Variants in ULK4 observed in about 807,000 individuals in gnomAD.
ULK4 encodes inactive serine/threonine-protein kinase ULK4.
ULK4 carries 133 observed loss-of-function variants against 160.6 expected under a neutral mutation model. The observed-to-expected ratio is 0.83, with a 90% CI of 0.72 to 0.96. The LOEUF is 0.96. Among genes scored for constraint, ULK4 ranks in the 40% least tolerant of loss-of-function variants. ULK4 has a pLI of 0.00. For synonymous variants in ULK4, 534 were observed against 539.8 expected, an observed-to-expected ratio of 0.99 and a Z score of 0.15; for missense variants, 1,580 against 1,499.5, an observed-to-expected ratio of 1.05 and a Z score of -0.89.
chr3:41,802,942 A>T (rs1212965647), intron 19 of ULK4, among the ~76,000 whole-genome samples: 1 of 152,144 alleles, frequency 6.6e-6, no homozygotes, highest in Non-Finnish European at 1.5e-5. Context: ...CGAAGCAGGC[A>T]GATCACAAGG....
chr3:41,420,426 G>T (rs938714826), intron 34 of ULK4, among the ~76,000 whole-genome samples: 13 of 147,312 alleles, frequency 8.8e-5, no homozygotes, highest in Non-Finnish European at 1.5e-4. Flanking sequence ...CATTTTATAG[G>T]ATGATTTCAC....
At chr3:41,609,545 T>C (rs576347856) in intron 31 of ULK4, among the ~76,000 whole-genome samples, 1 of 152,256 alleles carries the variant, frequency 6.6e-6, no homozygotes, top group Admixed American at 6.5e-5. Flanking sequence ...AAAATTGTTA[T>C]ATGGCTCCAT....
intron 34 of ULK4, among the ~76,000 whole-genome samples, chr3:41,427,259 A>G (rs1235907215): frequency 6.6e-6 from 1 of 152,214 alleles, no homozygotes; most frequent in Non-Finnish European, 1.5e-5. Flanking sequence ...TCTGAAATTG[A>G]GGCAGTAATA....
chr3:41,933,858 T>C (rs1383709813), intron 4 of ULK4, among the ~76,000 whole-genome samples: 2 of 152,196 alleles, frequency 1.3e-5, no homozygotes, highest in East Asian at 3.9e-4. Context: ...GAGACCAGCC[T>C]GGCCAACACG....
intron 23 of ULK4, 98 bp from the exon 24 acceptor site, chr3:41,715,666 A>C (rs1333075115): frequency 2.7e-6 from 4 of 1,458,444 alleles, no homozygotes; most frequent in Non-Finnish European, 3.7e-6. Flanking sequence ...TTCTAAGGTA[A>C]TTAATCTCCA....
At chr3:41,768,573 A>G (rs558861395) in intron 21 of ULK4, among the ~76,000 whole-genome samples, 7 of 152,284 alleles carry the variant, frequency 4.6e-5, no homozygotes, top group South Asian at 2.1e-4. Context: ...ACCAACCTAC[A>G]GCCTCAGCTG....
chr3:41,781,538 A>C (rs1300855785), intron 21 of ULK4, among the ~76,000 whole-genome samples: 1 of 152,252 alleles, frequency 6.6e-6, no homozygotes, highest in Non-Finnish European at 1.5e-5. Flanking sequence ...TGTCTTCTAC[A>C]GATACATATA....
chr3:41,312,644 AAAACAAAC>A (rs142861881), intron 35 of ULK4, among the ~76,000 whole-genome samples: 23,258 of 151,642 alleles, frequency 0.15, 2,116 homozygotes, highest in African/African-American at 0.25. Context: ...AAAAAAAACA[AAAACAAAC>A]AAACAAACAA....
chr3:41,278,707 G>A (rs934300873), intron 35 of ULK4, among the ~76,000 whole-genome samples: 1 of 152,150 alleles, frequency 6.6e-6, no homozygotes, highest in Non-Finnish European at 1.5e-5. Context: ...CACCTGAGGG[G>A]CCTGTTAGAA....
intron 32 of ULK4, among the ~76,000 whole-genome samples, chr3:41,555,678 C>G (rs571781278): frequency 1.3e-5 from 2 of 152,234 alleles, no homozygotes; most frequent in Admixed American, 1.3e-4. Context: ...GGTAGACAAC[C>G]AAAGGAATAT....
chr3:41,263,295 G>A (rs1286928504), intron 35 of ULK4, among the ~76,000 whole-genome samples: 1 of 152,192 alleles, frequency 6.6e-6, no homozygotes, highest in Non-Finnish European at 1.5e-5. Context: ...TGACAACAGA[G>A]TCACTGATTT....
intron 32 of ULK4, among the ~76,000 whole-genome samples, chr3:41,533,903 G>A (rs2086404556): frequency 1.3e-5 from 2 of 152,202 alleles, no homozygotes; most frequent in Non-Finnish European, 2.9e-5. Flanking sequence ...CGCCTCCTGG[G>A]TTCACGCCAT....
intron 32 of ULK4, among the ~76,000 whole-genome samples, chr3:41,469,416 A>G (rs1458734740): frequency 6.6e-6 from 1 of 151,862 alleles, no homozygotes; most frequent in African/African-American, 2.4e-5. Flanking sequence ...GGCCAACTGT[A>G]TTTCCAGAGA....
At chr3:41,866,514 C>T (rs1696889327) in intron 17 of ULK4, among the ~76,000 whole-genome samples, 1 of 152,180 alleles carries the variant, frequency 6.6e-6, no homozygotes, top group African/African-American at 2.4e-5. Flanking sequence ...ATAGGGTTCA[C>T]GCTCCTATGA....
intron 35 of ULK4, among the ~76,000 whole-genome samples, chr3:41,276,611 T>G (rs76370742): frequency 6.6e-6 from 1 of 152,148 alleles, no homozygotes; most frequent in Admixed American, 6.6e-5. Context: ...TACATAAAAA[T>G]TGCATTCTGC....
chr3:41,532,516 G>A (rs1319727689), intron 32 of ULK4, among the ~76,000 whole-genome samples: 1 of 152,106 alleles, frequency 6.6e-6, no homozygotes, highest in Admixed American at 6.5e-5. Context: ...CTCCATGAAG[G>A]CAGGGATTTT....
intron 29 of ULK4, among the ~76,000 whole-genome samples, chr3:41,677,770 A>C (rs1300419698): frequency 6.6e-6 from 1 of 152,120 alleles, no homozygotes; most frequent in East Asian, 1.9e-4. Context: ...TTTATTTATC[A>C]AGTTACTCAA....
intron 35 of ULK4, among the ~76,000 whole-genome samples, chr3:41,383,607 C>T (rs78602042): frequency 6.6e-6 from 1 of 152,154 alleles, no homozygotes; most frequent in Admixed American, 6.5e-5. Flanking sequence ...TAGGAACTTA[C>T]AATTACTATT....
At chr3:41,656,414 T>C (rs2034937841) in intron 30 of ULK4, among the ~76,000 whole-genome samples, 1 of 152,180 alleles carries the variant, frequency 6.6e-6, no homozygotes, top group Non-Finnish European at 1.5e-5. Context: ...TCAAAAGACA[T>C]GGCATTAAAA....
Sources: gnomAD v4.1 joint callset for allele counts (sites outside exome capture counted in the v4.1 genomes callset) on GRCh38, gnomAD v4.1.1 for gene constraint, MANE v1.5 for transcripts, NCBI Gene and HGNC (gene_info 2026-07-23, HGNC 2026-07-21) for gene names.